SLC27A2: variants seen among roughly 807,000 people sequenced by gnomAD.
SLC27A2 encodes the protein long-chain fatty acid transport protein 2.
SLC27A2 carries 54 observed loss-of-function variants against 60.0 expected under a neutral mutation model. The observed-to-expected ratio is 0.90, with a 90% CI of 0.72 to 1.13. The LOEUF (loss-of-function observed/expected upper bound fraction) is 1.13, where lower values mean the gene tolerates loss of function less well. SLC27A2 is among the 50% of genes most tolerant of loss of function. The pLI is 0.00. For missense variants in SLC27A2, 739 were observed against 777.6 expected, an observed-to-expected ratio of 0.95 and a Z score of 0.59; for synonymous variants, 297 against 297.6, an observed-to-expected ratio of 1.00 and a Z score of 0.02.
chr15:50,230,077 T>C (rs1398601495), intron 8 of SLC27A2, among the ~76,000 whole-genome samples: 1 of 150,124 alleles, frequency 6.7e-6, no homozygotes, highest in Non-Finnish European at 1.5e-5. Flanking sequence ...CTACTAAAAA[T>C]ACAAAAATTA....
rs201970301 is a variant in SLC27A2, at chr15:50,205,565, G to T, written c.972+202G>T. Among the ~76,000 whole-genome samples the T allele has an allele frequency of 1.6e-4, 25 of 152,158 alleles. 1 individual carries two copies. In the East Asian group the frequency reaches 2.3e-3, roughly 14 times the overall value. On this transcript the variant is annotated intron_variant, in intron 4 of 9. Coordinates refer to ENST00000267842, the MANE Select transcript of SLC27A2 (RefSeq NM_003645.4). ...GAGTTAATATTATTATTATGATGAT[G>T]ATTATTTCCTGCCTTTTTACTTGTT...
At position 50,228,855 on chromosome 15, in the gene SLC27A2, C is replaced by T. The variant is rs2045296153; in HGVS notation, c.1458-90C>T. On this transcript the variant is annotated intron_variant, in intron 7 of 9. Transcript: ENST00000267842. ...TGAGGAACACGAGATCAGGATCATG[C>T]AGAAATCTAAAGGAAACACCAGCTC... 13 of 857,422 alleles carry T rather than the reference C, an allele frequency of 1.5e-5. No homozygotes were observed. In the South Asian group the frequency reaches 1.6e-4, roughly 10 times the overall value. 53.1% of individuals were successfully genotyped at this position (857,422 alleles called of 1,614,324 possible). A position where few individuals can be genotyped will look rare whatever the true frequency, so the allele number is the denominator to read the frequency against.
rs567311005 is a variant in SLC27A2 at position 50,183,100 on chromosome 15, C to G, written c.478+195C>G. 1.3e-5 allele frequency among the ~76,000 whole-genome samples: 2 copies of G among 152,334 alleles called. 1 individual carries two copies. Among genetic ancestry groups the G allele is most frequent in the South Asian group, 4.1e-4 (2 of 4,830 alleles). On this transcript the variant is annotated intron_variant, in intron 1 of 9. Coordinates refer to ENST00000267842, the MANE Select transcript of SLC27A2 (RefSeq NM_003645.4). ...ACCTGTTGTGGAAGCTGATAATGTG[C>G]TAGGTTCTGTGTTAAGCACTCTACA...
At chr15:50,196,066 AAAAAAAAAAAAATATATATATATAT>A (rs1480525788) in intron 1 of SLC27A2, among the ~76,000 whole-genome samples, 6 of 23,776 alleles carry the variant, frequency 2.5e-4, no homozygotes, top group Non-Finnish European at 3.6e-4. Context: ...AAAAAAAAAA[AAAAAAAAAAAAATATATATATATAT>A]ATATATATAT....
In SLC27A2 at chr15:50,205,335, T is replaced by G; in HGVS notation, c.944T>G (p.Leu315Arg). 6.2e-7 allele frequency: 1 copy of G among 1,608,358 alleles called. No homozygotes were observed. The highest frequency in any genetic ancestry group is 1.1e-5 in the South Asian group (1 of 90,058). The change falls in exon 4 of 10, where the codon CTG (leucine) becomes CGG (arginine). Residue 315 changes from leucine (L) to arginine (R), a missense_variant. By Grantham distance (102) the Leu-to-Arg change is moderately radical (BLOSUM62 -2). Coordinates refer to ENST00000267842, the MANE Select transcript of SLC27A2 (RefSeq NM_003645.4). ...ACTGTCATTCAGTATATCGGTGAAC[T>G]GCTTCGGTATTTATGCAACTCACCA... is the stretch of plus-strand genomic sequence containing the variant. ...NVTVIQYIGE[L>R]LRYLCNSPQK... is the part of the protein sequence containing the mutation.
At chr15:50,188,072 ACAGTCCAGTAAAAGAACTAAAC>A (rs2044940405) in intron 1 of SLC27A2, among the ~76,000 whole-genome samples, 1 of 152,108 alleles carries the variant, frequency 6.6e-6, no homozygotes. Flanking sequence ...CAAGGATCTT[ACAGTCCAGTAAAAGAACTAAAC>A]CGCATGCACA....
At chr15:50,197,460 C>T (rs758701590) in intron 1 of SLC27A2, 40 bp from the exon 2 acceptor site, 20 of 1,478,884 alleles carry the variant, frequency 1.4e-5, no homozygotes, top group Non-Finnish European at 1.7e-5. Context: ...CTTTAATAGA[C>T]TGATTTAGTT....
chr15:50,187,569 G>T (rs564746447), intron 1 of SLC27A2, among the ~76,000 whole-genome samples: 4 of 152,228 alleles, frequency 2.6e-5, no homozygotes, highest in Admixed American at 2.6e-4. Context: ...CACTGGCAGG[G>T]TATACACTGC....
intron 3 of SLC27A2, among the ~76,000 whole-genome samples, chr15:50,204,531 A>G (rs1037284296): frequency 2.6e-5 from 4 of 152,016 alleles, no homozygotes; most frequent in Non-Finnish European, 4.4e-5. Flanking sequence ...CAGGAGATTG[A>G]GACCATCCTG....
chr15:50,223,258 C>A, intron 5 of SLC27A2, 99 bp downstream of exon 5: 1 of 828,086 alleles, frequency 1.2e-6, no homozygotes, highest in Non-Finnish European at 1.9e-6. Context: ...AGTCAGGCAG[C>A]ATCAGAGCCA....
In SLC27A2 at chr15:50,228,964, G is replaced by A; in HGVS notation, c.1477G>A (p.Ala493Thr). 6.2e-7 allele frequency: 1 copy of A among 1,613,874 alleles called. No individual in the cohort carries two copies. Among genetic ancestry groups the A allele is most frequent in the Non-Finnish European group, 8.5e-7 (1 of 1,179,764 alleles). The part of the protein sequence containing the change: ...DTFRWKGENV[A>T]TTEVADTVGL... The stretch of plus-strand genomic sequence containing the variant: ...TTCCAGGTGGAAAGGGGAAAATGTG[G>A]CCACCACTGAAGTTGCTGATACAGT... Residue 493 changes from alanine to threonine, a missense_variant, in exon 8 of 10, where the codon GCC becomes ACC. Physicochemically the swap from Ala to Thr is moderately conservative, Grantham distance 58 (BLOSUM62 0). Transcript: ENST00000267842.
At chr15:50,204,800 ATG>A (rs146866092) in intron 3 of SLC27A2, among the ~76,000 whole-genome samples, 10,042 of 148,704 alleles carry the variant, frequency 0.068, 755 homozygotes, top group African/African-American at 0.19. Flanking sequence ...ATATATATGT[ATG>A]TGTGTGTGTA....
intron 5 of SLC27A2, among the ~76,000 whole-genome samples, chr15:50,223,690 C>T (rs1238851077): frequency 6.6e-6 from 1 of 152,220 alleles, no homozygotes; most frequent in Non-Finnish European, 1.5e-5. Flanking sequence ...AGCCAGCTCA[C>T]ATAGCCGTCT....
intron 9 of SLC27A2, among the ~76,000 whole-genome samples, chr15:50,234,928 T>C (rs2045340233): frequency 6.6e-6 from 1 of 152,204 alleles, no homozygotes; most frequent in Admixed American, 6.5e-5. Context: ...GTTTGTTGTT[T>C]CCAGTTTTAA....
chr15:50,226,153 T>C (rs1487014368), intron 6 of SLC27A2, 75 bp downstream of exon 6: 1 of 879,586 alleles, frequency 1.1e-6, no homozygotes, highest in Non-Finnish European at 1.9e-6. Context: ...ACTAACATAT[T>C]ATTGCCACAT....
intron 6 of SLC27A2, 149 bp from the exon 7 acceptor site, chr15:50,226,831 A>G: frequency 4.8e-6 from 3 of 621,320 alleles, no homozygotes; most frequent in South Asian, 2.0e-5. Flanking sequence ...ATATATGTAC[A>G]TATAATTCAC....
intron 3 of SLC27A2, among the ~76,000 whole-genome samples, chr15:50,203,572 C>A (rs1343305639): frequency 6.6e-6 from 1 of 152,072 alleles, no homozygotes; most frequent in Admixed American, 6.5e-5. Context: ...CTTTTTCTCT[C>A]ATGTGGCATT....
rs548030634 is a variant in SLC27A2 at position 50,234,107 on chromosome 15, G to A, written c.1686+109G>A. 4.6e-4 allele frequency: 488 copies of A among 1,064,418 alleles called. 3 individuals are homozygous for A. The South Asian group carries it at 7.7e-3, about 17-fold the overall frequency. 65.9% of individuals were successfully genotyped at this position (1,064,418 alleles called of 1,614,324 possible). ...TGACTACATTTGCCAAGTTTTCACC[G>A]CACTTTCCAGGAAGCTCAGAAAAGT... On this transcript the variant is annotated intron_variant, in intron 9 of 9. Coordinates refer to ENST00000267842, the MANE Select transcript of SLC27A2 (RefSeq NM_003645.4).
At position 50,182,707 on chromosome 15, in the gene SLC27A2, G is replaced by T. The variant is rs754950532; in HGVS notation, c.280G>T (p.Ala94Ser). 1.7e-5 allele frequency: 28 copies of T among 1,613,764 alleles called. No individual in the cohort carries two copies. The South Asian group carries it at 3.1e-4, about 18-fold the overall frequency. The change falls in exon 1 of 10, where the codon GCG (alanine) becomes TCG (serine). Residue 94 changes from alanine (A) to serine (S), a missense_variant. Physicochemically the swap from Ala to Ser is moderately conservative, Grantham distance 99 (BLOSUM62 1). Coordinates refer to ENST00000267842, the MANE Select transcript of SLC27A2 (RefSeq NM_003645.4). Reference sequence around the variant, plus strand: ...CCGGCGCAGCAATCAAGTGGCCCGGGCGCTGCACGACCACCTCGGCCTGCG... The same window carrying T: ...CCGGCGCAGCAATCAAGTGGCCCGGTCGCTGCACGACCACCTCGGCCTGCG... ...VDRRSNQVAR[A>S]LHDHLGLRQG...
Sources: gnomAD v4.1 joint callset for allele counts (sites outside exome capture counted in the v4.1 genomes callset) on GRCh38, gnomAD v4.1.1 for gene constraint, MANE v1.5 for transcripts, NCBI Gene and HGNC (gene_info 2026-07-23, HGNC 2026-07-21) for gene names.